CHN2: variants seen among roughly 807,000 people sequenced by gnomAD.
The protein encoded by CHN2 is beta-chimaerin.
In CHN2, 35 loss-of-function variants were observed where a neutral mutation model predicts 56.3. That is an observed-to-expected ratio of 0.62 (90% confidence interval 0.47 to 0.82). The LOEUF (loss-of-function observed/expected upper bound fraction) is 0.82. Among genes scored for constraint, CHN2 ranks in the 40% least tolerant of loss-of-function variants. The probability of loss-of-function intolerance (pLI) is 0.00; values close to 1 mark genes in which losing one functional copy is unlikely to be tolerated. For synonymous variants in CHN2, 210 were observed against 212.8 expected, an observed-to-expected ratio of 0.99 and a Z score of 0.12; for missense variants, 491 against 580.5, an observed-to-expected ratio of 0.85 and a Z score of 1.58.
intron 2 of CHN2, among the ~76,000 whole-genome samples, chr7:29,149,615 T>C (rs1462953051): frequency 6.6e-6 from 1 of 152,148 alleles, no homozygotes; most frequent in Non-Finnish European, 1.5e-5. Flanking sequence ...CTATTAACAG[T>C]AGAAATTTAT....
intron 1 of CHN2, among the ~76,000 whole-genome samples, chr7:29,265,785 C>G (rs1032687707): frequency 1.4e-4 from 21 of 152,164 alleles, no homozygotes; most frequent in African/African-American, 5.1e-4. Flanking sequence ...ATGTCAGCTA[C>G]TGTAGTACAG....
chr7:29,377,327 A>C (rs747468703), intron 3 of CHN2, among the ~76,000 whole-genome samples: 2 of 152,194 alleles, frequency 1.3e-5, no homozygotes, highest in Non-Finnish European at 2.9e-5. Flanking sequence ...CCCCGCCTCA[A>C]ATTCAGTCTT....
chr7:29,309,707 C>T (rs887489086), intron 1 of CHN2, among the ~76,000 whole-genome samples: 1 of 152,214 alleles, frequency 6.6e-6, no homozygotes, highest in African/African-American at 2.4e-5. Context: ...GATCAAGGAG[C>T]TGATGGGAAT....
At chr7:29,509,871 G>A (rs1023784651) in intron 12 of CHN2, among the ~76,000 whole-genome samples, 3 of 151,538 alleles carry the variant, frequency 2.0e-5, no homozygotes, top group Non-Finnish European at 4.4e-5. Context: ...GAAAAAGAAA[G>A]GGGTGCCATT....
At chr7:29,394,549 C>T (rs952860708) in intron 4 of CHN2, among the ~76,000 whole-genome samples, 3 of 152,220 alleles carry the variant, frequency 2.0e-5, no homozygotes, top group African/African-American at 7.2e-5. Context: ...GCCCCGTGCA[C>T]CTTCCTAATT....
At chr7:29,271,635 AAC>A (rs1435195712) in intron 1 of CHN2, among the ~76,000 whole-genome samples, 3 of 152,200 alleles carry the variant, frequency 2.0e-5, no homozygotes, top group African/African-American at 7.2e-5. Flanking sequence ...ATAAGGAAGA[AAC>A]AGAGTGACTT....
intron 3 of CHN2, among the ~76,000 whole-genome samples, chr7:29,381,792 A>G (rs544846626): frequency 6.0e-4 from 66 of 109,356 alleles, no homozygotes; most frequent in African/African-American, 2.1e-3. Flanking sequence ...ATAAAAGTCT[A>G]TTCTCACTAA....
chr7:29,150,557 C>G (rs1391729029), intron 2 of CHN2, among the ~76,000 whole-genome samples: 4 of 152,206 alleles, frequency 2.6e-5, no homozygotes, highest in African/African-American at 9.6e-5. Context: ...GAGAATAGAT[C>G]ATTTACACAT....
At chr7:29,438,629 A>G (rs1196003979) in intron 6 of CHN2, among the ~76,000 whole-genome samples, 1 of 152,168 alleles carries the variant, frequency 6.6e-6, no homozygotes, top group Non-Finnish European at 1.5e-5. Flanking sequence ...ATTTGCACTC[A>G]TATTAAGATG....
At chr7:29,499,039 C>T (rs1379831433) in intron 8 of CHN2, among the ~76,000 whole-genome samples, 1 of 152,094 alleles carries the variant, frequency 6.6e-6, no homozygotes, top group Non-Finnish European at 1.5e-5. Context: ...GGATTACAGG[C>T]GTGAGCCACC....
At chr7:29,280,220 C>G (rs1326836136) in intron 1 of CHN2, among the ~76,000 whole-genome samples, 1 of 151,932 alleles carries the variant, frequency 6.6e-6, no homozygotes, top group African/African-American at 2.4e-5. Flanking sequence ...CCCGTCTCTA[C>G]TAAAAATACA....
At chr7:29,265,859 A>G (rs971108919) in intron 1 of CHN2, among the ~76,000 whole-genome samples, 3 of 152,160 alleles carry the variant, frequency 2.0e-5, no homozygotes, top group Non-Finnish European at 2.9e-5. Context: ...AGTCTGTTTT[A>G]AAAGGTAAAA....
At chr7:29,163,168 G>A (rs1339966640) in intron 2 of CHN2, among the ~76,000 whole-genome samples, 2 of 151,992 alleles carry the variant, frequency 1.3e-5, no homozygotes, top group African/African-American at 2.4e-5. Context: ...ATTCTATTAT[G>A]GGAAAATTTT....
intron 3 of CHN2, among the ~76,000 whole-genome samples, chr7:29,375,738 G>A (rs564510374): frequency 4.5e-4 from 69 of 152,110 alleles, no homozygotes; most frequent in African/African-American, 1.4e-3. Flanking sequence ...ATTGTTATGC[G>A]GAGGTACTGG....
chr7:29,463,655 T>C (rs1046958678), intron 6 of CHN2, among the ~76,000 whole-genome samples: 2 of 152,096 alleles, frequency 1.3e-5, no homozygotes, highest in African/African-American at 2.4e-5. Context: ...ACACTTTGGG[T>C]GAGGGCCTGG....
At chr7:29,215,408 T>C (rs549682841) in intron 1 of CHN2, among the ~76,000 whole-genome samples, 2 of 152,248 alleles carry the variant, frequency 1.3e-5, no homozygotes, top group South Asian at 2.1e-4. Context: ...TCTGTAAATG[T>C]CACAGTCTTG....
intron 3 of CHN2, among the ~76,000 whole-genome samples, chr7:29,373,007 AGTT>A (rs1245261339): frequency 2.0e-5 from 3 of 152,246 alleles, no homozygotes; most frequent in African/African-American, 4.8e-5. Flanking sequence ...TATTATTTCA[AGTT>A]GTTCTCCATT....
chr7:29,401,707 T>C (rs556150340), intron 6 of CHN2, among the ~76,000 whole-genome samples: 1 of 152,278 alleles, frequency 6.6e-6, no homozygotes, highest in East Asian at 1.9e-4. Context: ...TTATTATGCC[T>C]CACCAAGGAT....
intron 1 of CHN2, among the ~76,000 whole-genome samples, chr7:29,301,342 T>TACACACACACACACACAC (rs10570363): frequency 7.1e-6 from 1 of 141,600 alleles, no homozygotes; most frequent in African/African-American, 2.6e-5. Context: ...CTCAAACAGG[T>TACACACACACACACACAC]ACACACACAC....
Sources: allele counts gnomAD v4.1 joint callset (sites outside exome capture counted in the v4.1 genomes callset), GRCh38; gene constraint gnomAD v4.1.1; transcripts MANE v1.5; gene names NCBI Gene and HGNC (gene_info 2026-07-23, HGNC 2026-07-21).